The following RALYL variants were observed in gnomAD, a reference collection of about 807,000 sequenced individuals.
RALYL encodes the protein RALY RNA binding protein like.
RALYL carries 29 observed loss-of-function variants against 35.1 expected under a neutral mutation model. The ratio of observed to expected loss-of-function variants is 0.83; its 90% CI spans 0.61 to 1.13. The LOEUF is 1.13. Ranked by LOEUF, RALYL falls within the 50% of genes most tolerant of loss-of-function variation. The pLI, the probability that RALYL is intolerant of heterozygous loss-of-function variation, is 0.00. For synonymous variants in RALYL, 120 were observed against 127.6 expected, an observed-to-expected ratio of 0.94 and a Z score of 0.40; for missense variants, 359 against 360.4, an observed-to-expected ratio of 1.00 and a Z score of 0.03.
At chr8:84,425,071 G>A (rs1183261714) in intron 1 of RALYL, among the ~76,000 whole-genome samples, 1 of 152,230 alleles carries the variant, frequency 6.6e-6, no homozygotes, top group African/African-American at 2.4e-5. Context: ...GCTGTGGTGG[G>A]CTCCACCCAG....
chr8:84,888,986 G>C (rs966998530), intron 8 of RALYL, among the ~76,000 whole-genome samples: 1 of 152,294 alleles, frequency 6.6e-6, no homozygotes, highest in East Asian at 1.9e-4. Context: ...CTGACCTCAA[G>C]TGATCTGCCC....
At chr8:84,541,016 T>C (rs2135244559) in intron 2 of RALYL, among the ~76,000 whole-genome samples, 1 of 152,152 alleles carries the variant, frequency 6.6e-6, no homozygotes, top group South Asian at 2.1e-4. Flanking sequence ...CCTTACCTCT[T>C]TCATTTTAAG....
chr8:84,308,420 G>T (rs974973051), intron 1 of RALYL, among the ~76,000 whole-genome samples: 23 of 152,072 alleles, frequency 1.5e-4, no homozygotes, highest in Non-Finnish European at 2.9e-4. Flanking sequence ...CCATTGATTT[G>T]TTGGATGCTG....
chr8:84,430,290 T>G (rs73688494), intron 1 of RALYL, among the ~76,000 whole-genome samples: 4,192 of 152,234 alleles, frequency 0.028, 192 homozygotes, highest in African/African-American at 0.096. Flanking sequence ...AGCATATATT[T>G]TCCTCTACCG....
chr8:84,290,512 G>T (rs947893903), intron 1 of RALYL, among the ~76,000 whole-genome samples: 1 of 151,666 alleles, frequency 6.6e-6, no homozygotes, highest in Non-Finnish European at 1.5e-5. Context: ...GGGTCACAAG[G>T]TGCTCAGTGG....
chr8:84,864,832 C>A, intron 6 of RALYL: 1 of 583,500 alleles, frequency 1.7e-6, no homozygotes, highest in South Asian at 1.6e-5. Flanking sequence ...ATGTCATGGT[C>A]AGTCACATCC....
intron 2 of RALYL, among the ~76,000 whole-genome samples, chr8:84,536,900 T>A (rs1193512274): frequency 2.0e-5 from 3 of 152,066 alleles, no homozygotes; most frequent in Admixed American, 6.6e-5. Context: ...AATATGTAAA[T>A]CTTGGAATTT....
chr8:84,527,587 T>C (rs1214554083), intron 1 of RALYL, among the ~76,000 whole-genome samples: 1 of 152,206 alleles, frequency 6.6e-6, no homozygotes, highest in Non-Finnish European at 1.5e-5. Context: ...TGGCTTGGAA[T>C]GGTAAGAAAG....
intron 2 of RALYL, among the ~76,000 whole-genome samples, chr8:84,693,376 G>T (rs1187390548): frequency 6.6e-6 from 1 of 151,802 alleles, no homozygotes. Context: ...GAAATGTCAA[G>T]CAAAAGGGGA....
chr8:84,557,887 A>T (rs2061237935), intron 2 of RALYL, among the ~76,000 whole-genome samples: 1 of 152,194 alleles, frequency 6.6e-6, no homozygotes, highest in Non-Finnish European at 1.5e-5. Flanking sequence ...CATACAATGC[A>T]GTCATTAGGA....
chr8:84,660,058 A>G (rs1830626149), intron 2 of RALYL, among the ~76,000 whole-genome samples: 1 of 152,178 alleles, frequency 6.6e-6, no homozygotes, highest in South Asian at 2.1e-4. Flanking sequence ...TATCTATTCC[A>G]CGAATATTTG....
chr8:84,448,335 T>C (rs1309360634), intron 1 of RALYL, among the ~76,000 whole-genome samples: 1 of 151,824 alleles, frequency 6.6e-6, no homozygotes, highest in East Asian at 2.0e-4. Context: ...GGGCAGAGAG[T>C]TTAAGCATGC....
chr8:84,272,950 G>A (rs1462478638), intron 1 of RALYL, among the ~76,000 whole-genome samples: 1 of 152,158 alleles, frequency 6.6e-6, no homozygotes, highest in Non-Finnish European at 1.5e-5. Flanking sequence ...GTATAGAGAT[G>A]TAGAGATGTA....
chr8:84,530,039 G>T lies in RALYL; in HGVS notation c.256+462G>T, dbSNP rs561244012. 2.0e-5 allele frequency among the ~76,000 whole-genome samples: 3 copies of T among 152,172 alleles called. No individual in the cohort carries two copies. The East Asian group carries it at 5.8e-4, about 29-fold the overall frequency. On this transcript the variant is annotated intron_variant, in intron 2 of 8. Coordinates refer to ENST00000521268, the MANE Select transcript of RALYL (RefSeq NM_173848.7). The stretch of plus-strand genomic sequence containing the variant: ...AAAGTAAATTTTTAGAATGGGGAAA[G>T]GAATATAATTCACATTTTAAAAATC...
At chr8:84,800,029 G>C (rs1822879015) in intron 3 of RALYL, among the ~76,000 whole-genome samples, 1 of 152,146 alleles carries the variant, frequency 6.6e-6, no homozygotes. Context: ...TAGCTTAGAG[G>C]CATCTACAAT....
intron 3 of RALYL, among the ~76,000 whole-genome samples, chr8:84,779,587 C>G (rs1248548218): frequency 2.6e-5 from 4 of 152,138 alleles, no homozygotes; most frequent in African/African-American, 9.7e-5. Context: ...CCATGAGAAT[C>G]AAGATTGTCA....
chr8:84,209,609 A>T (rs1192441090), intron 1 of RALYL, among the ~76,000 whole-genome samples: 1 of 152,122 alleles, frequency 6.6e-6, no homozygotes, highest in Non-Finnish European at 1.5e-5. Flanking sequence ...TGGGAGTTTT[A>T]AAAAATTTTA....
intron 4 of RALYL, among the ~76,000 whole-genome samples, chr8:84,849,295 A>G (rs1383475006): frequency 6.6e-6 from 1 of 152,224 alleles, no homozygotes; most frequent in Admixed American, 6.5e-5. Context: ...TATTTAAAGT[A>G]TTGAATCCAT....
chr8:84,310,898 T>G (rs1842657746), intron 1 of RALYL, among the ~76,000 whole-genome samples: 1 of 143,924 alleles, frequency 6.9e-6, no homozygotes, highest in Admixed American at 6.8e-5. Flanking sequence ...ATACAAAAAA[T>G]TAGCCGGGCG....
Sources: gnomAD v4.1 joint callset for allele counts (sites outside exome capture counted in the v4.1 genomes callset) on GRCh38, gnomAD v4.1.1 for gene constraint, MANE v1.5 for transcripts, NCBI Gene and HGNC (gene_info 2026-07-23, HGNC 2026-07-21) for gene names.